The following POLR3B variants were observed in gnomAD, a reference collection of about 807,000 sequenced individuals.
The protein encoded by POLR3B is DNA-directed RNA polymerase III subunit RPC2.
Under a neutral mutation model 147.4 loss-of-function variants are expected in POLR3B, and 96 were observed. The observed-to-expected ratio is 0.65, with a 90% confidence interval of 0.55 to 0.77. POLR3B has a LOEUF of 0.77. Ranked by LOEUF, POLR3B falls within the 30% of genes least tolerant of loss-of-function variation. The pLI, the probability that POLR3B is intolerant of heterozygous loss-of-function variation, is 0.00. For missense variants in POLR3B, 1,036 were observed against 1,413.5 expected (o/e 0.73, Z 4.28); for synonymous variants, 461 against 485.9 (o/e 0.95, Z 0.67).
intron 23 of POLR3B, among the ~76,000 whole-genome samples, chr12:106,480,118 G>A (rs2038245995): frequency 6.6e-6 from 1 of 151,802 alleles, no homozygotes; most frequent in African/African-American, 2.4e-5. Flanking sequence ...TTCCCAAAAT[G>A]GCATTTGAAC....
intron 6 of POLR3B, 112 bp downstream of exon 6, chr12:106,369,795 A>G (rs778212330): frequency 5.0e-5 from 36 of 721,648 alleles, no homozygotes; most frequent in Middle Eastern, 6.6e-4. Flanking sequence ...CATAGGTCCA[A>G]TGAGTCAGCA....
chr12:106,434,853 T>G (rs2037556833), intron 16 of POLR3B, among the ~76,000 whole-genome samples: 1 of 152,138 alleles, frequency 6.6e-6, no homozygotes, highest in Non-Finnish European at 1.5e-5. Context: ...ATTGGCAGGC[T>G]TCTTGGGATG....
chr12:106,393,804 A>C (rs111987915), intron 10 of POLR3B, among the ~76,000 whole-genome samples: 102 of 134,032 alleles, frequency 7.6e-4, no homozygotes, highest in East Asian at 5.2e-3. Flanking sequence ...ACACACACAC[A>C]CCCCATAGTA....
At chr12:106,434,867 A>T (rs532127321) in intron 16 of POLR3B, among the ~76,000 whole-genome samples, 8 of 152,244 alleles carry the variant, frequency 5.3e-5, no homozygotes, top group African/African-American at 1.9e-4. Flanking sequence ...TGGGATGGTC[A>T]GTCCAGCACC....
chr12:106,358,600 T>G lies in POLR3B; in HGVS notation c.72+649T>G, dbSNP rs779085387. ...ATCTGATAAGGCACATTTTGTAATCTCTCTGAGCCTCAAAATCTACACTGA... is the reference window on the plus strand; with the variant it reads ...ATCTGATAAGGCACATTTTGTAATCGCTCTGAGCCTCAAAATCTACACTGA... On this transcript the variant is annotated intron_variant, in intron 1 of 27. Transcript: ENST00000228347. Among the ~76,000 whole-genome samples the G allele has an allele frequency of 8.6e-5, 13 of 150,794 alleles. 1 individual carries two copies. Among genetic ancestry groups the G allele is most frequent in the Non-Finnish European group, 1.9e-4 (13 of 67,564 alleles).
chr12:106,471,947 G>A (rs1243864251), intron 23 of POLR3B, among the ~76,000 whole-genome samples: 22 of 148,474 alleles, frequency 1.5e-4, no homozygotes, highest in Admixed American at 7.4e-4. Context: ...GTGCCATGCT[G>A]GTGCGCTGCA....
Position 106,509,664 on chromosome 12 carries a change from C to A in POLR3B, c.*115C>A. ...AAGAATTCCCTTGCGTATTCTCTCTCTAAAACAACCAAAAAAAAATGGAGA... is the reference window on the plus strand; with the variant it reads ...AAGAATTCCCTTGCGTATTCTCTCTATAAAACAACCAAAAAAAAATGGAGA... On this transcript the variant is annotated 3_prime_UTR_variant, in exon 28 of 28. Transcript: ENST00000228347. 5.2e-6 allele frequency: 5 copies of A among 953,564 alleles called. No individual in the cohort carries two copies. Among genetic ancestry groups the A allele is most frequent in the Admixed American group, 2.1e-5 (1 of 48,300 alleles). The allele number at this position is 953,564 out of a possible 1,614,324, so 59.1% of individuals were successfully genotyped here. A position where few individuals can be genotyped will look rare whatever the true frequency, so the allele number is the denominator to read the frequency against.
rs767266939 is a variant in POLR3B, at chr12:106,410,818, A to C, written c.967-8A>C. On this transcript the variant is annotated splice_region_variant and splice_polypyrimidine_tract_variant and intron_variant, in intron 11 of 27. Transcript: ENST00000228347. ...TCTCAAAATTTTTCTCCAATTTCTG[A>C]CTTACAGGTTAAGGAATTCAATTTC... The C allele has an allele frequency of 6.2e-7, 1 of 1,613,596 alleles. No homozygotes were observed. The highest frequency in any genetic ancestry group is 1.7e-5 in the Admixed American group (1 of 60,008).
intron 16 of POLR3B, among the ~76,000 whole-genome samples, chr12:106,436,121 A>G (rs1052349498): frequency 1.3e-5 from 2 of 152,174 alleles, no homozygotes; most frequent in Non-Finnish European, 2.9e-5. Flanking sequence ...TTTTTCAACA[A>G]CTTGTGTTCC....
chr12:106,428,462 C>A (rs2137000233), intron 13 of POLR3B, among the ~76,000 whole-genome samples: 1 of 152,254 alleles, frequency 6.6e-6, no homozygotes, highest in African/African-American at 2.4e-5. Flanking sequence ...AATGCTTTTA[C>A]CAAATACATT....
chr12:106,509,153 T>C lies in POLR3B; in HGVS notation c.3273-267T>C, dbSNP rs188319111. On this transcript the variant is annotated intron_variant, in intron 27 of 27. Transcript: ENST00000228347. ...GTTTTACATTTTAAGGAGAAAGGGC[T>C]GGATGTGTGGTAACAACTGACTCAA... Among the ~76,000 whole-genome samples the C allele has an allele frequency of 8.3e-4, 126 of 152,320 alleles. 1 individual carries two copies. Among genetic ancestry groups the C allele is most frequent in the African/African-American group, 2.9e-3 (122 of 41,570 alleles).
chr12:106,508,589 T>A (rs1185837425), intron 27 of POLR3B, among the ~76,000 whole-genome samples: 2 of 152,176 alleles, frequency 1.3e-5, no homozygotes, highest in African/African-American at 2.4e-5. Context: ...TAATTCACTT[T>A]CTCCCCAGGG....
chr12:106,500,587 C>A (rs1355533615), intron 25 of POLR3B, among the ~76,000 whole-genome samples: 1 of 152,180 alleles, frequency 6.6e-6, no homozygotes, highest in African/African-American at 2.4e-5. Flanking sequence ...AGGAGGACTT[C>A]TTTAGATGTG....
intron 23 of POLR3B, among the ~76,000 whole-genome samples, chr12:106,484,779 C>CG (rs1389496170): frequency 1.3e-5 from 2 of 151,150 alleles, no homozygotes; most frequent in Non-Finnish European, 2.9e-5. Flanking sequence ...AGGAGCCAGC[C>CG]GAGCAAAAGT....
intron 23 of POLR3B, among the ~76,000 whole-genome samples, chr12:106,473,940 G>C (rs2038126798): frequency 6.6e-6 from 1 of 151,246 alleles, no homozygotes; most frequent in East Asian, 1.9e-4. Context: ...CCTGTCCTGT[G>C]ACAGTTTTCA....
At chr12:106,413,265 T>C (rs554003238) in intron 12 of POLR3B, among the ~76,000 whole-genome samples, 1 of 152,310 alleles carries the variant, frequency 6.6e-6, no homozygotes, top group African/African-American at 2.4e-5. Flanking sequence ...GTTTTAGCTC[T>C]TAAGTTTAGG....
At chr12:106,377,723 A>G (rs2036700066) in intron 7 of POLR3B, among the ~76,000 whole-genome samples, 1 of 152,228 alleles carries the variant, frequency 6.6e-6, no homozygotes, top group Non-Finnish European at 1.5e-5. Flanking sequence ...ATAGACCAAT[A>G]AGATACATTT....
intron 13 of POLR3B, among the ~76,000 whole-genome samples, chr12:106,429,593 A>G (rs1275278494): frequency 3.9e-5 from 6 of 152,102 alleles, no homozygotes; most frequent in Non-Finnish European, 8.8e-5. Context: ...ATAATACAAC[A>G]TATTTAATGC....
chr12:106,464,676 A>G (rs552150841), intron 23 of POLR3B, among the ~76,000 whole-genome samples: 18 of 152,300 alleles, frequency 1.2e-4, no homozygotes, highest in African/African-American at 4.1e-4. Context: ...CTTAAGATGT[A>G]TCACTTCTAC....
Sources: allele counts gnomAD v4.1 joint callset (sites outside exome capture counted in the v4.1 genomes callset), GRCh38; gene constraint gnomAD v4.1.1; transcripts MANE v1.5; gene names NCBI Gene and HGNC (gene_info 2026-07-23, HGNC 2026-07-21).